The following NEK1 variants were observed in gnomAD, a reference collection of about 807,000 sequenced individuals.
NEK1 encodes serine/threonine-protein kinase Nek1.
A neutral mutation model predicts 182.1 loss-of-function variants in NEK1; 137 were observed. The ratio of observed to expected loss-of-function variants is 0.75; its 90% confidence interval spans 0.65 to 0.87. The LOEUF is 0.87. Ranked by LOEUF, NEK1 falls within the 40% of genes least tolerant of loss-of-function variation. The pLI is 0.00. For synonymous variants in NEK1, 513 were observed against 492.2 expected (o/e 1.04, Z -0.56); for missense variants, 1,391 against 1,494.4 (o/e 0.93, Z 1.14).
At position 169,551,952 on chromosome 4, in the gene NEK1, G is replaced by A. The variant is rs771937769; in HGVS notation, c.1562+3768C>T. 4.1e-4 allele frequency among the ~76,000 whole-genome samples: 62 copies of A among 152,154 alleles called. 1 individual carries two copies. Among genetic ancestry groups the A allele is most frequent in the Non-Finnish European group, 8.1e-4 (55 of 67,944 alleles). On this transcript the variant is annotated intron_variant, in intron 18 of 35. Transcript: ENST00000507142. ...TGGTATTTTTAAAACAGAAATACGT[G>A]AAAATTCTTGAATATTCAGCAAAAG...
chr4:169,607,083 T>C (rs529087213), intron 2 of NEK1, among the ~76,000 whole-genome samples: 2 of 152,250 alleles, frequency 1.3e-5, no homozygotes, highest in African/African-American at 4.8e-5. Flanking sequence ...TGTTATTCTG[T>C]TCCTAAACTG....
chr4:169,587,716 A>G (rs1237072896), intron 8 of NEK1, 103 bp from the exon 9 acceptor site: 2 of 623,474 alleles, frequency 3.2e-6, no homozygotes, highest in African/African-American at 3.8e-5. Context: ...TATGTGCTCC[A>G]GAAAAAATTT....
At chr4:169,417,349 C>T (rs1205652996) in intron 31 of NEK1, among the ~76,000 whole-genome samples, 1 of 152,168 alleles carries the variant, frequency 6.6e-6, no homozygotes, top group Non-Finnish European at 1.5e-5. Flanking sequence ...AGTTAAGCAG[C>T]AGAAAGCCAC....
At chr4:169,527,326 G>T (rs1211178847) in intron 19 of NEK1, among the ~76,000 whole-genome samples, 2 of 152,042 alleles carry the variant, frequency 1.3e-5, no homozygotes, top group Non-Finnish European at 2.9e-5. Flanking sequence ...ATTTCTTTAG[G>T]GAAAGGGAAA....
chr4:169,422,909 GATAGTCCTTATCT>G (rs1307979199), intron 31 of NEK1, among the ~76,000 whole-genome samples: 1 of 152,188 alleles, frequency 6.6e-6, no homozygotes, highest in Non-Finnish European at 1.5e-5. Context: ...TGAATTGTAT[GATAGTCCTTATCT>G]ATAGGCCTTT....
intron 23 of NEK1, among the ~76,000 whole-genome samples, chr4:169,503,416 GT>G (rs1288432549): frequency 6.6e-6 from 1 of 152,010 alleles, no homozygotes; most frequent in African/African-American, 2.4e-5. Context: ...AATAGCCAAA[GT>G]TATCCTGAGC....
At chr4:169,588,775 A>C in intron 7 of NEK1, 40 bp from the exon 8 acceptor site, 1 of 1,221,018 alleles carries the variant, frequency 8.2e-7, no homozygotes, top group South Asian at 1.3e-5. Flanking sequence ...TTAAAGACAC[A>C]GTCATGTGCC....
intron 5 of NEK1, among the ~76,000 whole-genome samples, chr4:169,598,286 C>T (rs1158525217): frequency 1.3e-5 from 2 of 152,042 alleles, no homozygotes; most frequent in East Asian, 3.8e-4. Flanking sequence ...ATAACAAATA[C>T]AACACTCCTA....
At chr4:169,463,445 A>G in intron 26 of NEK1, 50 bp from the exon 27 acceptor site, 1 of 1,408,442 alleles carries the variant, frequency 7.1e-7, no homozygotes. Context: ...GTATAATAAT[A>G]CTGCATGGTA....
At chr4:169,455,851 T>C (rs1406778379) in intron 27 of NEK1, among the ~76,000 whole-genome samples, 7 of 152,200 alleles carry the variant, frequency 4.6e-5, no homozygotes, top group Non-Finnish European at 8.8e-5. Context: ...ATCTGTATTG[T>C]AGACCAAATG....
At chr4:169,403,828 G>A (rs1287005508) in intron 32 of NEK1, among the ~76,000 whole-genome samples, 2 of 151,832 alleles carry the variant, frequency 1.3e-5, no homozygotes, top group African/African-American at 4.8e-5. Flanking sequence ...CTTGAATTCA[G>A]TTTTTAGTTG....
rs147643947 is a variant in NEK1 at position 169,500,998 on chromosome 4, T to C, written c.2007+6039A>G. ...AAAAACAAGACCCAACCATCTGCTA[T>C]CTTCAAGAGACCCATCTCACATGTA... On this transcript the variant is annotated intron_variant, in intron 23 of 35. Transcript: ENST00000507142. Among the ~76,000 whole-genome samples, 446 of 152,278 alleles carry C rather than the reference T, an allele frequency of 2.9e-3. 1 individual carries two copies. Among genetic ancestry groups the C allele is most frequent in the African/African-American group, 1.0e-2 (415 of 41,544 alleles).
chr4:169,469,047 A>T (rs1333582461), intron 26 of NEK1, among the ~76,000 whole-genome samples: 1 of 151,652 alleles, frequency 6.6e-6, no homozygotes, highest in African/African-American at 2.4e-5. Flanking sequence ...CTATTTTGTT[A>T]ATCTTTTCAA....
Position 169,561,533 on chromosome 4 carries a change from T to C in NEK1, c.1213A>G (p.Arg405Gly). The change falls in exon 16 of 36, where the codon AGG becomes GGG. Residue 405 changes from arginine (R) to glycine (G), a missense_variant. Arg to Gly is a moderately radical substitution (Grantham distance 125). Transcript: ENST00000507142. ...AGCACATTTCTCCATCCTTGTTCCC[T>C]GGCCCTATTTATTCTTTCCAACTTT... is the stretch of plus-strand genomic sequence containing the variant. ...KERLERINRA[R>G]EQGWRNVLSA... 6.2e-7 allele frequency: 1 copy of C among 1,613,540 alleles called. No homozygotes were observed. The highest frequency in any genetic ancestry group is 1.1e-5 in the South Asian group (1 of 90,996).
chr4:169,486,044 T>TCAAAA (rs895730175), intron 23 of NEK1, among the ~76,000 whole-genome samples: 3 of 152,074 alleles, frequency 2.0e-5, no homozygotes, highest in African/African-American at 7.2e-5. Flanking sequence ...AGACCCTGTT[T>TCAAAA]CAAAACAAAA....
chr4:169,452,077 C>G (rs1741907819), intron 27 of NEK1, among the ~76,000 whole-genome samples: 1 of 152,094 alleles, frequency 6.6e-6, no homozygotes, highest in Non-Finnish European at 1.5e-5. Context: ...ATAATTACTA[C>G]CTGGAGACTT....
intron 19 of NEK1, among the ~76,000 whole-genome samples, chr4:169,529,203 T>A: frequency 6.6e-6 from 1 of 151,992 alleles, no homozygotes; most frequent in East Asian, 1.9e-4. Context: ...AGTTGCTACC[T>A]CAAAAAACAA....
intron 28 of NEK1, among the ~76,000 whole-genome samples, chr4:169,437,699 G>C (rs960165283): frequency 6.6e-6 from 1 of 152,082 alleles, no homozygotes; most frequent in African/African-American, 2.4e-5. Flanking sequence ...AGAGGGAGAG[G>C]GGCCCAGCTA....
At chr4:169,422,977 C>G (rs1163700785) in intron 31 of NEK1, among the ~76,000 whole-genome samples, 1 of 152,060 alleles carries the variant, frequency 6.6e-6, no homozygotes, top group Non-Finnish European at 1.5e-5. Context: ...TAGTTCACAC[C>G]TTTCAAAAGA....
Sources: gnomAD v4.1 joint callset for allele counts (sites outside exome capture counted in the v4.1 genomes callset) on GRCh38, gnomAD v4.1.1 for gene constraint, MANE v1.5 for transcripts, NCBI Gene and HGNC (gene_info 2026-07-23, HGNC 2026-07-21) for gene names.